The following TAMM41 variants were observed in gnomAD, a reference collection of about 807,000 sequenced individuals.
TAMM41 encodes phosphatidate cytidylyltransferase, mitochondrial.
TAMM41 carries 36 observed loss-of-function variants against 44.1 expected under a neutral mutation model. The observed-to-expected ratio is 0.82, with a 90% CI of 0.63 to 1.08. The LOEUF is 1.08. TAMM41 is among the 50% of genes least tolerant of loss of function. TAMM41 has a pLI of 0.00. For synonymous variants in TAMM41, 164 were observed against 153.1 expected (o/e 1.07, Z -0.53); for missense variants, 417 against 404.3 (o/e 1.03, Z -0.27).
At chr3:11,802,814 A>C (rs1003430905) in intron 7 of TAMM41, among the ~76,000 whole-genome samples, 2 of 152,240 alleles carry the variant, frequency 1.3e-5, no homozygotes, top group African/African-American at 4.8e-5. Flanking sequence ...AAATACTAGC[A>C]AATTAAATCC....
intron 7 of TAMM41, among the ~76,000 whole-genome samples, chr3:11,801,758 C>T (rs1163268055): frequency 1.3e-5 from 2 of 151,948 alleles, no homozygotes; most frequent in African/African-American, 2.4e-5. Flanking sequence ...GTAGGAAGAT[C>T]ACAAATTAAC....
At chr3:11,761,386 C>T in the TAMM41 span, among the ~76,000 whole-genome samples, 1 of 152,012 alleles carries the variant, frequency 6.6e-6, no homozygotes, top group African/African-American at 2.4e-5. Flanking sequence ...TCCTGTCTAG[C>T]AGTTTCTAGT....
chr3:11,781,764 A>G, the TAMM41 span, among the ~76,000 whole-genome samples: 1 of 145,620 alleles, frequency 6.9e-6, no homozygotes, highest in Non-Finnish European at 1.5e-5. Context: ...TAATAATAAT[A>G]ATAATAATAA....
the TAMM41 span, among the ~76,000 whole-genome samples, chr3:11,750,609 T>G: frequency 6.6e-6 from 1 of 152,080 alleles, no homozygotes; most frequent in Non-Finnish European, 1.5e-5. Context: ...TGCGCCCAGC[T>G]TCCTCTGAAA....
intron 7 of TAMM41, among the ~76,000 whole-genome samples, chr3:11,800,538 A>AACAGTTATATATGTCAAAT (rs1200706847): frequency 1.9e-5 from 1 of 53,750 alleles, no homozygotes; most frequent in Non-Finnish European, 3.4e-5. Context: ...ACTCTAAATC[A>AACAGTTATATATGTCAAAT]AAAACAGTTA....
chr3:11,754,712 T>C, the TAMM41 span, among the ~76,000 whole-genome samples: 27,208 of 115,392 alleles, frequency 0.24, 2,126 homozygotes, highest in Non-Finnish European at 0.27. Flanking sequence ...AGATCTCTTT[T>C]TTTTTTTTTT....
intron 4 of TAMM41, among the ~76,000 whole-genome samples, chr3:11,817,554 T>C (rs1057119066): frequency 1.3e-5 from 2 of 152,238 alleles, no homozygotes; most frequent in South Asian, 4.1e-4. Context: ...AAGCCCTTTA[T>C]GCCAGTTAAA....
At chr3:11,751,045 C>A in the TAMM41 span, among the ~76,000 whole-genome samples, 1 of 151,480 alleles carries the variant, frequency 6.6e-6, no homozygotes, top group Non-Finnish European at 1.5e-5. Context: ...CCCACAATGC[C>A]CGGAGGAAGA....
intron 5 of TAMM41, among the ~76,000 whole-genome samples, chr3:11,812,078 C>G (rs1037592456): frequency 4.6e-5 from 7 of 152,068 alleles, no homozygotes; most frequent in African/African-American, 1.4e-4. Flanking sequence ...CAGGCGCACA[C>G]CACCATGCCT....
chr3:11,809,664 C>G lies in TAMM41; in HGVS notation c.727G>C (p.Gly243Arg). 6.2e-7 allele frequency: 1 copy of G among 1,612,288 alleles called. No homozygotes were observed. Among genetic ancestry groups the G allele is most frequent in the South Asian group, 1.1e-5 (1 of 90,452 alleles). ...AATGTCATCAGCTGAGTGAACTGTC[C>G]TTCTGGGCTTTTATCTATCTGAAGG... is the stretch of plus-strand genomic sequence containing the variant. The part of the protein sequence containing the change: ...GWLEIDKSPE[G>R]QFTQLMTLPK... Residue 243 changes from glycine (G) to arginine (R), a missense_variant, in exon 6 of 8, where the codon GGA (glycine) becomes CGA (arginine). Gly to Arg is a moderately radical substitution (Grantham distance 125, BLOSUM62 -2). Coordinates refer to ENST00000455809, the MANE Select transcript of TAMM41 (RefSeq NM_001284401.2).
the TAMM41 span, among the ~76,000 whole-genome samples, chr3:11,774,987 A>C: frequency 4.4e-4 from 66 of 150,344 alleles, no homozygotes; most frequent in South Asian, 0.013. Context: ...TCCTGCCCTC[A>C]GCCTCCTGAG....
intron 5 of TAMM41, among the ~76,000 whole-genome samples, chr3:11,812,963 G>C (rs1453544135): frequency 6.6e-6 from 1 of 152,158 alleles, no homozygotes; most frequent in African/African-American, 2.4e-5. Flanking sequence ...ACAGCACTGG[G>C]AGCTGTAGCT....
chr3:11,803,453 T>C (rs1018397287), intron 7 of TAMM41, among the ~76,000 whole-genome samples: 2 of 152,186 alleles, frequency 1.3e-5, no homozygotes, highest in African/African-American at 4.8e-5. Context: ...GGAATGCTTA[T>C]ACACTGTTGA....
intron 3 of TAMM41, among the ~76,000 whole-genome samples, chr3:11,833,983 C>T (rs1223672812): frequency 2.6e-5 from 4 of 152,128 alleles, no homozygotes; most frequent in Non-Finnish European, 5.9e-5. Flanking sequence ...GGGCTCATGC[C>T]TGTAATCCTA....
At chr3:11,730,382 C>T in the TAMM41 span, among the ~76,000 whole-genome samples, 1 of 147,842 alleles carries the variant, frequency 6.8e-6, no homozygotes. Context: ...CACACCACTG[C>T]ACTCCAGCCT....
chr3:11,757,900 G>A, the TAMM41 span, among the ~76,000 whole-genome samples: 4 of 152,150 alleles, frequency 2.6e-5, no homozygotes, highest in African/African-American at 4.8e-5. Context: ...CAGGGTCCTC[G>A]TTGTTTAGGA....
chr3:11,829,909 T>C (rs2078914955), intron 3 of TAMM41, 45 bp from the exon 4 acceptor site: 1 of 1,590,492 alleles, frequency 6.3e-7, no homozygotes, highest in East Asian at 2.2e-5. Context: ...AGAAGTGGAG[T>C]ATTGCTCAAG....
intron 5 of TAMM41, among the ~76,000 whole-genome samples, chr3:11,814,821 C>T (rs1424809652): frequency 6.6e-6 from 1 of 152,002 alleles, no homozygotes; most frequent in African/African-American, 2.4e-5. Flanking sequence ...ACCAGCCAGG[C>T]GTGGTGGCGC....
the TAMM41 span, among the ~76,000 whole-genome samples, chr3:11,776,758 G>A: frequency 1.3e-5 from 2 of 152,194 alleles, no homozygotes; most frequent in South Asian, 2.1e-4. Context: ...TCGACTTTAC[G>A]ATGAATTGAT....
Sources: allele counts gnomAD v4.1 joint callset (sites outside exome capture counted in the v4.1 genomes callset), GRCh38; gene constraint gnomAD v4.1.1; transcripts MANE v1.5; gene names NCBI Gene and HGNC (gene_info 2026-07-23, HGNC 2026-07-21).